The following GRM3 variants were observed in gnomAD, a reference collection of about 807,000 sequenced individuals.
GRM3 encodes glutamate metabotropic receptor 3.
In GRM3, 26 loss-of-function variants were observed where a neutral mutation model predicts 70.5. The ratio of observed to expected loss-of-function variants is 0.37; its 90% CI spans 0.27 to 0.51. The LOEUF (loss-of-function observed/expected upper bound fraction) is 0.51, where lower values mean the gene tolerates loss of function less well. Ranked by LOEUF, GRM3 falls within the 20% of genes least tolerant of loss-of-function variation. GRM3 has a pLI of 0.93. For synonymous variants in GRM3, 443 were observed against 434.9 expected (o/e 1.02, Z -0.23); for missense variants, 859 against 1,123.8 (o/e 0.76, Z 3.37).
chr7:86,704,966 G>C (rs940515014), intron 1 of GRM3, among the ~76,000 whole-genome samples: 2 of 151,832 alleles, frequency 1.3e-5, no homozygotes, highest in African/African-American at 4.8e-5. Context: ...CTTTAATCTT[G>C]AGAATGGTGT....
At chr7:86,658,137 G>C (rs1022141581) in intron 1 of GRM3, among the ~76,000 whole-genome samples, 4 of 152,308 alleles carry the variant, frequency 2.6e-5, no homozygotes, top group South Asian at 2.1e-4. Flanking sequence ...CCAGGGCTCT[G>C]CAAGAGCCAC....
chr7:86,685,837 G>A (rs7794494), intron 1 of GRM3, among the ~76,000 whole-genome samples: 4,948 of 150,586 alleles, frequency 0.033, 269 homozygotes, highest in African/African-American at 0.11. Context: ...ACCAGGAGTC[G>A]GAGGCTGCAG....
At chr7:86,680,697 A>G (rs1794421195) in intron 1 of GRM3, among the ~76,000 whole-genome samples, 2 of 152,168 alleles carry the variant, frequency 1.3e-5, no homozygotes, top group Admixed American at 1.3e-4. Context: ...GATCCCAGAC[A>G]GTGCAAGAAC....
chr7:86,693,962 T>G (rs114421744), intron 1 of GRM3, among the ~76,000 whole-genome samples: 3,039 of 152,310 alleles, frequency 0.02, 100 homozygotes, highest in African/African-American at 0.069. Context: ...TACTACAATT[T>G]CATGTTTCAT....
At position 86,786,913 on chromosome 7, in the gene GRM3, A is replaced by T; in HGVS notation, c.1121A>T (p.Asp374Val). The T allele has an allele frequency of 6.2e-7, 1 of 1,614,210 alleles. No homozygotes were observed. The highest frequency in any genetic ancestry group is 8.5e-7 in the Non-Finnish European group (1 of 1,180,016). Reference sequence around the variant, plus strand: ...AAACGCAACCACAGGCGCGTCTGCGACAAGCACCTGGCCATCGACAGCAGC... The same window carrying T: ...AAACGCAACCACAGGCGCGTCTGCGTCAAGCACCTGGCCATCGACAGCAGC... Reference protein sequence around the residue: ...QNKRNHRRVCDKHLAIDSSNY... With the variant: ...QNKRNHRRVCVKHLAIDSSNY... Residue 374 changes from aspartate (D) to valine (V), a missense_variant, in exon 3 of 6, where the codon GAC (aspartate) becomes GTC (valine). Asp to Val is a radical substitution (Grantham distance 152). Coordinates refer to ENST00000361669, the MANE Select transcript of GRM3 (RefSeq NM_000840.3). The surrounding 1 kb of genome is among the most constrained non-coding windows in gnomAD (Gnocchi z 6.0).
intron 5 of GRM3, among the ~76,000 whole-genome samples, chr7:86,861,082 G>C (rs1798947839): frequency 6.6e-6 from 1 of 152,184 alleles, no homozygotes; most frequent in Non-Finnish European, 1.5e-5. Flanking sequence ...AAATGTCAAA[G>C]GCAGCATGCC....
At chr7:86,739,984 T>C (rs1201859691) in intron 1 of GRM3, among the ~76,000 whole-genome samples, 1 of 152,190 alleles carries the variant, frequency 6.6e-6, no homozygotes, top group African/African-American at 2.4e-5. Flanking sequence ...CTTGTGTTAA[T>C]AAGATGTGCG....
chr7:86,769,855 T>C (rs1461694501), intron 2 of GRM3, among the ~76,000 whole-genome samples: 1 of 152,172 alleles, frequency 6.6e-6, no homozygotes, highest in Non-Finnish European at 1.5e-5. Context: ...CCTTCTATAT[T>C]AGCAAATATA....
intron 1 of GRM3, among the ~76,000 whole-genome samples, chr7:86,747,087 A>G (rs1584211459): frequency 6.6e-6 from 1 of 152,098 alleles, no homozygotes; most frequent in Non-Finnish European, 1.5e-5. Flanking sequence ...GAGACATTTT[A>G]TAAGTTCCCT....
intron 1 of GRM3, among the ~76,000 whole-genome samples, chr7:86,653,553 C>T (rs1003416174): frequency 2.6e-5 from 4 of 152,110 alleles, no homozygotes; most frequent in Non-Finnish European, 4.4e-5. Context: ...CTATTATCTT[C>T]GTTGTAAAGG....
chr7:86,717,133 T>C (rs1056522667), intron 1 of GRM3, among the ~76,000 whole-genome samples: 1 of 152,016 alleles, frequency 6.6e-6, no homozygotes, highest in African/African-American at 2.4e-5. Context: ...CATTATAAAA[T>C]GCATCACTCA....
chr7:86,854,003 G>T (rs1487530518), intron 5 of GRM3, among the ~76,000 whole-genome samples: 1 of 152,146 alleles, frequency 6.6e-6, no homozygotes, highest in Admixed American at 6.6e-5. Context: ...AACTGGCTTG[G>T]CCAGGAAACT....
intron 1 of GRM3, among the ~76,000 whole-genome samples, chr7:86,656,752 A>G (rs1793755530): frequency 6.6e-6 from 1 of 152,136 alleles, no homozygotes; most frequent in African/African-American, 2.4e-5. Flanking sequence ...GAGTGTAATA[A>G]TACAGCTTAA....
chr7:86,786,737 T>C lies in GRM3; in HGVS notation c.945T>C (p.His315=), dbSNP rs770903744. 8.1e-6 allele frequency: 13 copies of C among 1,613,490 alleles called. No individual in the cohort carries two copies. Among genetic ancestry groups the C allele is most frequent in the African/African-American group, 1.3e-5 (1 of 74,922 alleles). ...AQESIIKGSE[H]VAYGAITLEL... is the part of the protein sequence containing the mutation. ...AGAGCATCATCAAGGGCAGCGAGCA[T>C]GTGGCCTACGGCGCCATCACCCTGG... Residue 315 remains histidine, a synonymous_variant, in exon 3 of 6, where the codon CAT becomes CAC. Transcript: ENST00000361669. This position sits in a 1 kb window ranked among gnomAD's most constrained non-coding sequence, Gnocchi z 6.0.
Position 86,729,964 on chromosome 7 carries a change from G to A in GRM3, c.-140-35042G>A, listed in dbSNP as rs747040811. 4.0e-5 allele frequency among the ~76,000 whole-genome samples: 6 copies of A among 151,638 alleles called. No homozygotes were observed. In the South Asian group the frequency reaches 6.3e-4, roughly 16 times the overall value. On this transcript the variant is annotated intron_variant, in intron 1 of 5. Coordinates refer to ENST00000361669, the MANE Select transcript of GRM3 (RefSeq NM_000840.3). ...CTACTAAAATTACAAAAAATTAGCC[G>A]GGCGTGGTGGCAGGTGCCTGTAATC...
rs758671403 is a variant in GRM3 at position 86,768,607 on chromosome 7, GA to G, written c.468+2997del. ...GAGTAAGAATGAAAGTTGCATTGGA[GA>G]AAGGCTAACAGGGTGACAGTGTAAA... On this transcript the variant is annotated intron_variant, in intron 2 of 5. Transcript: ENST00000361669. 1.6e-4 allele frequency among the ~76,000 whole-genome samples: 24 copies of G among 152,194 alleles called. 1 individual carries two copies. Among genetic ancestry groups the G allele is most frequent in the Non-Finnish European group, 3.2e-4 (22 of 68,018 alleles).
At chr7:86,766,488 C>T (rs1380047049) in intron 2 of GRM3, among the ~76,000 whole-genome samples, 1 of 151,760 alleles carries the variant, frequency 6.6e-6, no homozygotes, top group African/African-American at 2.4e-5. Flanking sequence ...CTCTTGCAAT[C>T]CTTACTTATA....
In GRM3 at chr7:86,658,402, G is replaced by A. The variant is rs116210969; in HGVS notation, c.-141+13530G>A. ...TCCATCCTTCCCTCTCACTCCCCAG[G>A]CCTTCCCACAGGCTGTGAAACTTCC... is the stretch of plus-strand genomic sequence containing the variant. On this transcript the variant is annotated intron_variant, in intron 1 of 5. Transcript: ENST00000361669. Among the ~76,000 whole-genome samples the A allele has an allele frequency of 3.5e-3, 535 of 152,136 alleles. 4 individuals are homozygous for A. The highest frequency in any genetic ancestry group is 0.012 in the African/African-American group (507 of 41,506).
At chr7:86,757,497 A>G (rs1584219055) in intron 1 of GRM3, among the ~76,000 whole-genome samples, 1 of 152,160 alleles carries the variant, frequency 6.6e-6, no homozygotes, top group East Asian at 1.9e-4. Context: ...CAAAGTGCCT[A>G]GTTTGATCTC....
Sources: gnomAD v4.1 joint callset for allele counts (sites outside exome capture counted in the v4.1 genomes callset) on GRCh38, gnomAD v4.1.1 for gene constraint, Gnocchi (gnomAD v3.1) non-coding constraint, MANE v1.5 for transcripts, NCBI Gene and HGNC (gene_info 2026-07-23, HGNC 2026-07-21) for gene names.